SRMS: variants seen among roughly 807,000 people sequenced by gnomAD.
SRMS encodes src-related kinase lacking C-terminal regulatory tyrosine and N-terminal myristylation sites.
In SRMS, 42 loss-of-function variants were observed where a neutral mutation model predicts 43.5. That is an observed-to-expected ratio of 0.97 (90% CI 0.75 to 1.25). The LOEUF (loss-of-function observed/expected upper bound fraction) is 1.25. Ranked by LOEUF, SRMS falls within the 50% of genes most tolerant of loss-of-function variation. The pLI, the probability that SRMS is intolerant of heterozygous loss-of-function variation, is 0.00. For missense variants in SRMS, 703 were observed against 681.0 expected (o/e 1.03, Z -0.36); for synonymous variants, 316 against 308.2 (o/e 1.03, Z -0.27).
chr20:63,544,266 G>A lies in SRMS; in HGVS notation c.439C>T (p.Arg147Trp), dbSNP rs372015286. The A allele has an allele frequency of 4.9e-5, 73 of 1,476,380 alleles. No homozygotes were observed. The South Asian group carries it at 5.0e-4, about 10-fold the overall frequency. 91.5% of individuals were successfully genotyped at this position (1,476,380 alleles called of 1,614,324 possible). A position where few individuals can be genotyped will look rare whatever the true frequency, so the allele number is the denominator to read the frequency against. ...PPNEPGAFLI[R>W]PSESSLGGYS... ...CCCCCGAGGCTGCTCTCGCTGGGCC[G>A]GATGAGGAAGGCCCCTGGTTCGTTG... is the stretch of plus-strand genomic sequence containing the variant. Residue 147 changes from arginine (R) to tryptophan (W), a missense_variant, in exon 2 of 8, where the codon CGG becomes TGG. By Grantham distance (101) the Arg-to-Trp change is moderately radical. Coordinates refer to ENST00000217188, the MANE Select transcript of SRMS (RefSeq NM_080823.4).
rs143737110 is a variant in SRMS at position 63,544,406 on chromosome 20, G to A, written c.357-58C>T. On this transcript the variant is annotated intron_variant, in intron 1 of 7. Coordinates refer to ENST00000217188, the MANE Select transcript of SRMS (RefSeq NM_080823.4). ...GGCCCCTCAGCCAGTGGCCCCACAT[G>A]CTCTCCTCCGTGTTGCCGGCAGGGC... 5.7e-6 allele frequency: 8 copies of A among 1,415,136 alleles called. No individual in the cohort carries two copies. The East Asian group carries it at 2.1e-4, about 37-fold the overall frequency. 87.7% of individuals were successfully genotyped at this position (1,415,136 alleles called of 1,614,324 possible).
chr20:63,546,596 CT>C (rs1405684521), intron 1 of SRMS, among the ~76,000 whole-genome samples: 2 of 151,702 alleles, frequency 1.3e-5, no homozygotes, highest in Admixed American at 6.6e-5. Context: ...CCCCCAGCCC[CT>C]GCTCACCTGC....
At chr20:63,541,147 C>T in intron 7 of SRMS, 44 bp downstream of exon 7, 1 of 1,550,178 alleles carries the variant, frequency 6.5e-7, no homozygotes, top group Non-Finnish European at 8.7e-7. Context: ...CCAGTGACTC[C>T]TGGGCAGAGC....
In SRMS at chr20:63,547,404, C is replaced by T. The variant is rs1279770385; in HGVS notation, c.60G>A (p.Trp20Ter). Reference protein sequence around the residue: ...AFLSFFWDKIWPAGGEPDHGT... With the variant: ...AFLSFFWDKI ...CATGGTCCGGCTCGCCGCCCGCCGG[C>T]CAGATCTTGTCCCAGAAGAAGGACA... Residue 20 changes from tryptophan to a stop codon, truncating the protein, a stop_gained, in exon 1 of 8, where the codon TGG (tryptophan) becomes TGA (stop). Coordinates refer to ENST00000217188, the MANE Select transcript of SRMS (RefSeq NM_080823.4). LOFTEE classifies it high-confidence loss of function. The T allele has an allele frequency of 2.6e-6, 4 of 1,555,392 alleles. No individual in the cohort carries two copies. Among genetic ancestry groups the T allele is most frequent in the Non-Finnish European group, 3.5e-6 (4 of 1,148,910 alleles).
At position 63,542,185 on chromosome 20, in the gene SRMS, C is replaced by T. The variant is rs905684793; in HGVS notation, c.924G>A (p.Gly308=). ...VYIVTELMRK[G]NLQAFLGTPE... is the part of the protein sequence containing the mutation. ...CACTGCCCAGGAAGGCCTGCAGGTT[C>T]CCCTTGCGCATGAGTTCCGTGACGA... Residue 308 remains glycine (G), a synonymous_variant, in exon 5 of 8, where the codon GGG becomes GGA. Transcript: ENST00000217188. 2.5e-6 allele frequency: 4 copies of T among 1,610,398 alleles called. No homozygotes were observed. The African/African-American group carries it at 4.0e-5, about 16-fold the overall frequency.
chr20:63,542,411 G>C, intron 4 of SRMS, 29 bp downstream of exon 4: 1 of 1,602,216 alleles, frequency 6.2e-7, no homozygotes, highest in Non-Finnish European at 8.5e-7. Flanking sequence ...TGCGGGGCCC[G>C]GCCGTGGCGC....
intron 2 of SRMS, 39 bp downstream of exon 2, chr20:63,544,188 C>A: frequency 7.1e-7 from 1 of 1,406,414 alleles, no homozygotes; most frequent in Non-Finnish European, 9.3e-7. Context: ...GGCCACTGAC[C>A]TGGTGGGGGA....
Position 63,547,649 on chromosome 20 carries a change from T to G in SRMS, c.-186A>C. The G allele has an allele frequency of 1.8e-6, 1 of 563,774 alleles. No individual in the cohort carries two copies. The highest frequency in any genetic ancestry group is 2.6e-5 in the South Asian group (1 of 37,834). 34.9% of individuals were successfully genotyped at this position (563,774 alleles called of 1,614,324 possible). A position where few individuals can be genotyped will look rare whatever the true frequency, so the allele number is the denominator to read the frequency against. On this transcript the variant is annotated 5_prime_UTR_variant, in exon 1 of 8. Coordinates refer to ENST00000217188, the MANE Select transcript of SRMS (RefSeq NM_080823.4). ...AGGAGGCACACGGTTCCCACCGGCGTCCGGGCTGGCGTTGGGGCTGGGTGG... is the reference window on the plus strand; with the variant it reads ...AGGAGGCACACGGTTCCCACCGGCGGCCGGGCTGGCGTTGGGGCTGGGTGG...
rs377105172 is a variant in SRMS, at chr20:63,544,568, G to A, written c.357-220C>T. The stretch of plus-strand genomic sequence containing the variant: ...AGCCCTGAGCATCCTCACGTTGGCC[G>A]TGGGCTCTCCGTTAGCCCTGCTGGG... On this transcript the variant is annotated intron_variant, in intron 1 of 7. Coordinates refer to ENST00000217188, the MANE Select transcript of SRMS (RefSeq NM_080823.4). Among the ~76,000 whole-genome samples, 214 of 152,336 alleles carry A rather than the reference G, an allele frequency of 1.4e-3. 5 individuals carry two copies. The South Asian group carries it at 0.038, about 27-fold the overall frequency.
chr20:63,543,515 G>A, intron 2 of SRMS, 35 bp from the exon 3 acceptor site: 7 of 1,604,130 alleles, frequency 4.4e-6, no homozygotes, highest in South Asian at 1.1e-5. Context: ...CCCCTGCCTT[G>A]GCTGCCAGCT....
rs769911024 is a variant in SRMS, at chr20:63,542,127, G to T, written c.946+36C>A. The T allele has an allele frequency of 6.3e-6, 10 of 1,582,782 alleles. 1 individual carries two copies. The highest frequency in any genetic ancestry group is 4.0e-5 in the African/African-American group (3 of 74,374). ...CAGGAGGGAAGGGGCGGTCGCAGGC[G>T]CGTCAGGGCCACGTGGCAGCAGGGA... On this transcript the variant is annotated intron_variant, in intron 5 of 7. Transcript: ENST00000217188.
intron 5 of SRMS, 50 bp from the exon 6 acceptor site, chr20:63,541,670 G>A: frequency 2.7e-6 from 4 of 1,454,682 alleles, no homozygotes; most frequent in Non-Finnish European, 3.6e-6. Flanking sequence ...AACGGCCGGT[G>A]AGGCCAGCGT....
In SRMS at chr20:63,539,678, G is replaced by C. The variant is rs926595554; in HGVS notation, c.*1140C>G. ...GAGCCAGACGTGGGGAGACGAGGGC[G>C]GACCCTGCACATCCCTGCCCCCTCC... On this transcript the variant is annotated 3_prime_UTR_variant, in exon 8 of 8. Transcript: ENST00000217188. Among the ~76,000 whole-genome samples the C allele has an allele frequency of 2.0e-5, 3 of 152,110 alleles. No homozygotes were observed. The highest frequency in any genetic ancestry group is 7.2e-5 in the African/African-American group (3 of 41,402).
rs923413767 is a variant in SRMS at position 63,539,396 on chromosome 20, T to G, written c.*1422A>C. ...TCTTAGCTCCCTCCTGAGCCAGGCT[T>G]TGGCCGGGGCCTGTGGACGGCAGCC... On this transcript the variant is annotated 3_prime_UTR_variant, in exon 8 of 8. Transcript: ENST00000217188. Among the ~76,000 whole-genome samples the G allele has an allele frequency of 5.3e-5, 8 of 152,202 alleles. No individual in the cohort carries two copies. The highest frequency in any genetic ancestry group is 1.9e-4 in the African/African-American group (8 of 41,444).
At chr20:63,541,413 G>T in intron 6 of SRMS, 26 bp downstream of exon 6, 1 of 1,578,226 alleles carries the variant, frequency 6.3e-7, no homozygotes. Context: ...CCCCCTCTGG[G>T]TCAGGGGCCC....
Position 63,540,939 on chromosome 20 carries a change from G to C in SRMS, c.1346C>G (p.Ala449Gly), listed in dbSNP as rs761112293. 2 of 1,607,214 alleles carry C rather than the reference G, an allele frequency of 1.2e-6. No individual in the cohort carries two copies. The highest frequency in any genetic ancestry group is 3.3e-5 in the Admixed American group (2 of 59,964). The stretch of plus-strand genomic sequence containing the variant: ...CACGTAGACCTCCGCCGGGCAGGCA[G>C]CCGGGCGCGGCAGCCGGTACCCTCG... ...IMRGYRLPRP[A>G]ACPAEVYVLM... Residue 449 changes from alanine to glycine, a missense_variant, in exon 8 of 8, where the codon GCT (alanine) becomes GGT (glycine). Ala to Gly is a moderately conservative substitution (Grantham distance 60, BLOSUM62 0). Coordinates refer to ENST00000217188, the MANE Select transcript of SRMS (RefSeq NM_080823.4).
Position 63,543,416 on chromosome 20 carries a change from C to T in SRMS, c.543G>A (p.Leu181=). 6.2e-7 allele frequency: 1 copy of T among 1,612,850 alleles called. No homozygotes were observed. The highest frequency in any genetic ancestry group is 8.5e-7 in the Non-Finnish European group (1 of 1,179,956). The change falls in exon 3 of 8, where the codon CTG becomes CTA. Residue 181 remains leucine, a synonymous_variant. Coordinates refer to ENST00000217188, the MANE Select transcript of SRMS (RefSeq NM_080823.4). ...GGCCGGGAAAGAGCCGTCCCTTCTG[C>T]AGGTAGAGGCTGCCATCAGCTGCCA... The part of the protein sequence containing the change: ...VSMAADGSLY[L]QKGRLFPGLE...
At chr20:63,546,244 T>G (rs2082729897) in intron 1 of SRMS, among the ~76,000 whole-genome samples, 1 of 152,058 alleles carries the variant, frequency 6.6e-6, no homozygotes, top group African/African-American at 2.4e-5. Flanking sequence ...GGTGAGGGCC[T>G]GGGGCCCCTC....
chr20:63,543,662 C>T (rs548272667), intron 2 of SRMS, 182 bp from the exon 3 acceptor site: 8 of 676,792 alleles, frequency 1.2e-5, no homozygotes, highest in East Asian at 2.8e-5. Flanking sequence ...GGCGGGGCAG[C>T]GAGAGCGGCC....
Sources: allele counts gnomAD v4.1 joint callset (sites outside exome capture counted in the v4.1 genomes callset), GRCh38; gene constraint gnomAD v4.1.1; transcripts MANE v1.5; gene names NCBI Gene and HGNC (gene_info 2026-07-23, HGNC 2026-07-21).